Variants in LRRC7 observed in about 807,000 individuals in gnomAD.
LRRC7 encodes leucine rich repeat containing 7.
A neutral mutation model predicts 175.7 loss-of-function variants in LRRC7; 23 were observed. The observed-to-expected ratio is 0.13, with a 90% CI of 0.09 to 0.19. The LOEUF (loss-of-function observed/expected upper bound fraction) is 0.19, where lower values mean the gene tolerates loss of function less well. Among genes scored for constraint, LRRC7 ranks in the 10% least tolerant of loss-of-function variants. LRRC7 has a pLI of 1.00. For synonymous variants in LRRC7, 685 were observed against 680.9 expected, an observed-to-expected ratio of 1.01 and a Z score of -0.09; for missense variants, 1,354 against 1,904.7, an observed-to-expected ratio of 0.71 and a Z score of 5.38.
chr1:69,796,310 C>G (rs79946658), intron 4 of LRRC7, among the ~76,000 whole-genome samples: 1 of 151,766 alleles, frequency 6.6e-6, no homozygotes, highest in African/African-American at 2.4e-5. Flanking sequence ...AACCACAACT[C>G]CAGCTGGTCA....
intron 26 of LRRC7, among the ~76,000 whole-genome samples, chr1:70,119,133 C>T (rs1666050988): frequency 6.6e-6 from 1 of 150,880 alleles, no homozygotes; most frequent in South Asian, 2.1e-4. Context: ...CAGAATTTAC[C>T]TGAAAAAAAA....
At chr1:69,744,088 A>T (rs531696712) in intron 2 of LRRC7, among the ~76,000 whole-genome samples, 1 of 151,308 alleles carries the variant, frequency 6.6e-6, no homozygotes, top group South Asian at 2.1e-4. Flanking sequence ...AATATTTATT[A>T]TACTAAATAT....
intron 26 of LRRC7, among the ~76,000 whole-genome samples, chr1:70,113,500 G>C (rs960590606): frequency 8.5e-5 from 13 of 152,114 alleles, no homozygotes; most frequent in African/African-American, 2.9e-4. Flanking sequence ...GAAGCAAGAA[G>C]TCATAGCCAA....
At position 70,142,966 on chromosome 1, in the gene LRRC7, T is replaced by C. The variant is rs1667126797; in HGVS notation, c.*21079T>C. ...ATTTCATAATTGATTACTTTTGACC[T>C]CAGTTATTTTGGGGCATAATCCTTT... On this transcript the variant is annotated 3_prime_UTR_variant, in exon 27 of 27. Transcript: ENST00000651989. The C allele has an allele frequency of 6.6e-6, 1 of 152,092 alleles. No individual in the cohort carries two copies. The highest frequency in any genetic ancestry group is 2.1e-4 in the South Asian group (1 of 4,830). 9.4% of individuals were successfully genotyped at this position (152,092 alleles called of 1,614,324 possible).
chr1:69,646,187 A>G (rs988676354), intron 1 of LRRC7, among the ~76,000 whole-genome samples: 7 of 152,048 alleles, frequency 4.6e-5, no homozygotes, highest in Non-Finnish European at 7.4e-5. Context: ...TTTTGTAACT[A>G]TAACTTAAAA....
At chr1:69,687,520 C>CAAAAAAAACAA (rs1661305778) in intron 2 of LRRC7, among the ~76,000 whole-genome samples, 1 of 96,894 alleles carries the variant, frequency 1.0e-5, no homozygotes, top group Non-Finnish European at 1.9e-5. Flanking sequence ...AAGAAAAAAC[C>CAAAAAAAACAA]AAAAAAAAAA....
At chr1:69,960,757 G>T (rs1650984286) in intron 8 of LRRC7, among the ~76,000 whole-genome samples, 1 of 150,984 alleles carries the variant, frequency 6.6e-6, no homozygotes, top group African/African-American at 2.5e-5. Flanking sequence ...TGCAGAAAAG[G>T]CCTTCAATAA....
rs548046410 is a variant in LRRC7 at position 69,818,024 on chromosome 1, TA to T, written c.422-7723del. Among the ~76,000 whole-genome samples the T allele has an allele frequency of 2.2e-3, 331 of 152,252 alleles. 1 individual carries two copies. The highest frequency in any genetic ancestry group is 7.6e-3 in the African/African-American group (314 of 41,576). On this transcript the variant is annotated intron_variant, in intron 4 of 26. Transcript: ENST00000651989. ...TTCTAATAGTTTTTGGTGGATTGTT[TA>T]GGGTTTTCTATATATAAGATGCTGG...
chr1:69,802,131 C>A (rs1488354206), intron 4 of LRRC7, among the ~76,000 whole-genome samples: 1 of 151,098 alleles, frequency 6.6e-6, no homozygotes, highest in Non-Finnish European at 1.5e-5. Context: ...TGTTTTATGG[C>A]CTGTCATATG....
intron 8 of LRRC7, among the ~76,000 whole-genome samples, chr1:69,934,076 T>C (rs557486873): frequency 6.6e-6 from 1 of 152,198 alleles, no homozygotes; most frequent in African/African-American, 2.4e-5. Context: ...GAACTGGCTG[T>C]TGTTGTAACA....
rs1325553760 is a variant in LRRC7, at chr1:70,128,136, A to G, written c.*6249A>G. 1.3e-5 allele frequency among the ~76,000 whole-genome samples: 2 copies of G among 152,014 alleles called. No homozygotes were observed. The highest frequency in any genetic ancestry group is 3.4e-3 in the Middle Eastern group (1 of 294). Reference sequence around the variant, plus strand: ...GCCACCACACTGGGCTAATTTTTGTATTTTTAGTAGGGACAGGGTTTCACC... The same window carrying G: ...GCCACCACACTGGGCTAATTTTTGTGTTTTTAGTAGGGACAGGGTTTCACC... On this transcript the variant is annotated 3_prime_UTR_variant, in exon 27 of 27. Coordinates refer to ENST00000651989, the MANE Select transcript of LRRC7 (RefSeq NM_001370785.2).
At chr1:69,895,188 C>T (rs139472260) in intron 7 of LRRC7, among the ~76,000 whole-genome samples, 1,892 of 152,100 alleles carry the variant, frequency 0.012, 33 homozygotes, top group African/African-American at 0.043. Context: ...GCCAAGATTG[C>T]GCCATTGCAC....
chr1:70,013,476 A>G (rs1322459094), intron 13 of LRRC7, among the ~76,000 whole-genome samples: 1 of 151,948 alleles, frequency 6.6e-6, no homozygotes, highest in Non-Finnish European at 1.5e-5. Flanking sequence ...TTTCACGTCT[A>G]TATTTTGGTT....
rs114965655 is a variant in LRRC7, at chr1:69,833,885, T to A, written c.501-895T>A. Among the ~76,000 whole-genome samples, 1,507 of 152,084 alleles carry A rather than the reference T, an allele frequency of 9.9e-3. 18 individuals carry two copies. The highest frequency in any genetic ancestry group is 0.014 in the Non-Finnish European group (930 of 67,996). On this transcript the variant is annotated intron_variant, in intron 5 of 26. Transcript: ENST00000651989. The stretch of plus-strand genomic sequence containing the variant: ...ATAGGCAGATTTTTAAACAAGTAAA[T>A]GCAAGGAGGAAGATAGGCTGTAATT...
At chr1:70,016,572 A>G in intron 14 of LRRC7, 38 bp downstream of exon 14, 1 of 1,465,144 alleles carries the variant, frequency 6.8e-7, no homozygotes, top group Non-Finnish European at 9.2e-7. Context: ...TATTAAGATG[A>G]ACTATAATTG....
intron 23 of LRRC7, among the ~76,000 whole-genome samples, chr1:70,061,418 G>T (rs1456040338): frequency 2.6e-5 from 4 of 152,032 alleles, no homozygotes; most frequent in Non-Finnish European, 5.9e-5. Context: ...GCAGTATAAA[G>T]GCTGCATTGG....
chr1:70,092,275 G>C (rs1432181057), intron 25 of LRRC7, among the ~76,000 whole-genome samples: 2 of 152,088 alleles, frequency 1.3e-5, no homozygotes, highest in African/African-American at 4.8e-5. Flanking sequence ...GAGGAACCAA[G>C]TTAAACAGAT....
chr1:69,936,458 A>G (rs919830972), intron 8 of LRRC7, among the ~76,000 whole-genome samples: 2 of 152,146 alleles, frequency 1.3e-5, no homozygotes, highest in Admixed American at 6.6e-5. Context: ...AAGATTTCAC[A>G]CATTTTTAAT....
intron 17 of LRRC7, among the ~76,000 whole-genome samples, chr1:70,027,233 T>G (rs116154438): frequency 0.011 from 1,667 of 152,238 alleles, 36 homozygotes; most frequent in African/African-American, 0.038. Context: ...AAGTAAATCC[T>G]TTTTTTCCCA....
Sources: gnomAD v4.1 joint callset for allele counts (sites outside exome capture counted in the v4.1 genomes callset) on GRCh38, gnomAD v4.1.1 for gene constraint, MANE v1.5 for transcripts, NCBI Gene and HGNC (gene_info 2026-07-23, HGNC 2026-07-21) for gene names.